Variants in PREX1 observed in about 807,000 individuals in gnomAD.
The protein encoded by PREX1 is phosphatidylinositol 3,4,5-trisphosphate-dependent Rac exchanger 1 protein.
A neutral mutation model predicts 198.3 loss-of-function variants in PREX1; 41 were observed. That is an observed-to-expected ratio of 0.21 (90% confidence interval 0.16 to 0.27). PREX1 has a LOEUF of 0.27. Ranked by LOEUF, PREX1 falls within the 10% of genes least tolerant of loss-of-function variation. PREX1 has a pLI of 1.00. For missense variants in PREX1, 1,620 were observed against 2,200.7 expected (o/e 0.74, Z 5.28); for synonymous variants, 843 against 887.2 (o/e 0.95, Z 0.89).
upstream of PREX1, among the ~76,000 whole-genome samples, chr20:48,831,497 G>A (rs1442934082): frequency 1.1e-4 from 16 of 152,180 alleles, no homozygotes; most frequent in East Asian, 3.1e-3. Flanking sequence ...AACAGCTGAG[G>A]CCCTTGTGCT....
At chr20:48,796,675 T>C (rs2090364048) in intron 1 of PREX1, among the ~76,000 whole-genome samples, 1 of 150,912 alleles carries the variant, frequency 6.6e-6, no homozygotes, top group African/African-American at 2.4e-5. Context: ...ATATGTGTCG[T>C]ACATCATATA....
chr20:48,633,020 C>T (rs2089328157), intron 33 of PREX1, among the ~76,000 whole-genome samples: 1 of 152,234 alleles, frequency 6.6e-6, no homozygotes, highest in South Asian at 2.1e-4. Flanking sequence ...TAGCCCATGG[C>T]CCCTGCCTGG....
rs576488389 is a variant in PREX1, at chr20:48,678,112, G to A, written c.1589+1248C>T. Among the ~76,000 whole-genome samples the A allele has an allele frequency of 3.9e-5, 6 of 152,260 alleles. No homozygotes were observed. In the South Asian group the frequency reaches 8.3e-4, roughly 21 times the overall value. Reference sequence around the variant, plus strand: ...GCAGATCACTTGAAGTCAGGAGTTCGAGCCCAGCCTGGCCAACATGGTGAA... The same window carrying A: ...GCAGATCACTTGAAGTCAGGAGTTCAAGCCCAGCCTGGCCAACATGGTGAA... On this transcript the variant is annotated intron_variant, in intron 13 of 39. Transcript: ENST00000371941.
At position 48,691,044 on chromosome 20, in the gene PREX1, G is replaced by C; in HGVS notation, c.1089C>G (p.Asn363Lys). The C allele has an allele frequency of 6.2e-7, 1 of 1,614,238 alleles. No individual in the cohort carries two copies. The highest frequency in any genetic ancestry group is 8.5e-7 in the Non-Finnish European group (1 of 1,180,050). ...YTVTNGWKIH[N>K]TAKNKWFVCM... ...AGACAAACCACTTATTCTTGGCCGTGTTGTGGATCTTCCAGCCGTTGGTGA... is the reference window on the plus strand; with the variant it reads ...AGACAAACCACTTATTCTTGGCCGTCTTGTGGATCTTCCAGCCGTTGGTGA... Residue 363 changes from asparagine (N) to lysine (K), a missense_variant, in exon 9 of 40, where the codon AAC becomes AAG. Coordinates refer to ENST00000371941, the MANE Select transcript of PREX1 (RefSeq NM_020820.4). This position sits in a 1 kb window ranked among gnomAD's most constrained non-coding sequence, Gnocchi z 5.0.
intron 14 of PREX1, among the ~76,000 whole-genome samples, chr20:48,673,428 T>A (rs896917847): frequency 1.3e-5 from 2 of 152,182 alleles, no homozygotes; most frequent in African/African-American, 4.8e-5. Flanking sequence ...CACCCTGAGT[T>A]AGGCATGGGA....
intron 1 of PREX1, among the ~76,000 whole-genome samples, chr20:48,755,580 C>T (rs2090152853): frequency 6.6e-6 from 1 of 152,102 alleles, no homozygotes. Flanking sequence ...AAATGCGATG[C>T]CTGGAAGTGA....
chr20:48,679,534 T>C, intron 12 of PREX1, 117 bp downstream of exon 12: 7 of 1,370,524 alleles, frequency 5.1e-6, no homozygotes, highest in Non-Finnish European at 7.2e-6. Context: ...CAGGGGTGAG[T>C]TGTGGGCAGT....
intron 4 of PREX1, among the ~76,000 whole-genome samples, chr20:48,732,747 C>T (rs2090039680): frequency 6.6e-6 from 1 of 152,152 alleles, no homozygotes; most frequent in Admixed American, 6.5e-5. Flanking sequence ...TCCCAGCCTT[C>T]CTTGGATCTA....
chr20:48,777,206 C>T (rs908822932), intron 1 of PREX1, among the ~76,000 whole-genome samples: 12 of 152,076 alleles, frequency 7.9e-5, no homozygotes, highest in African/African-American at 2.4e-4. Context: ...TGCCAAAACC[C>T]GCCACACCAC....
chr20:48,640,701 C>A (rs1014320391), intron 29 of PREX1, among the ~76,000 whole-genome samples: 5 of 152,232 alleles, frequency 3.3e-5, no homozygotes, highest in Admixed American at 2.6e-4. Context: ...CAAGGCCTGG[C>A]ACAAGCTGGT....
At position 48,803,794 on chromosome 20, in the gene PREX1, T is replaced by C. The variant is rs571795014; in HGVS notation, c.219+23848A>G. On this transcript the variant is annotated intron_variant, in intron 1 of 39. Transcript: ENST00000371941. ...GCTCTGGGGCCCTCTGGATGGGTGA[T>C]ACTTGGTTCATGGATGGGTCCATGA... 2.8e-4 allele frequency among the ~76,000 whole-genome samples: 42 copies of C among 152,326 alleles called. No homozygotes were observed. The South Asian group carries it at 4.1e-3, about 15-fold the overall frequency.
intron 1 of PREX1, among the ~76,000 whole-genome samples, chr20:48,748,788 C>T (rs955473747): frequency 6.6e-6 from 1 of 152,194 alleles, no homozygotes; most frequent in Non-Finnish European, 1.5e-5. Flanking sequence ...GTGGGGAGGC[C>T]GCAGGCCCAG....
intron 1 of PREX1, among the ~76,000 whole-genome samples, chr20:48,767,047 C>T (rs916873226): frequency 3.9e-5 from 6 of 152,184 alleles, no homozygotes; most frequent in African/African-American, 1.4e-4. Context: ...ACCTGGTTGC[C>T]AAATGTAGCC....
intron 3 of PREX1, among the ~76,000 whole-genome samples, 180 bp downstream of exon 3, chr20:48,744,845 G>A (rs1601109654): frequency 6.6e-6 from 1 of 152,202 alleles, no homozygotes. Flanking sequence ...ACAGCCTGCT[G>A]GGCCTGACCT....
chr20:48,635,752 A>G (rs143203055), intron 32 of PREX1, among the ~76,000 whole-genome samples: 149 of 152,068 alleles, frequency 9.8e-4, no homozygotes, highest in African/African-American at 3.4e-3. Flanking sequence ...GCTTCCCCCA[A>G]CTAGGAAGTC....
intron 2 of PREX1, 117 bp downstream of exon 2, chr20:48,747,692 C>A: frequency 2.5e-6 from 3 of 1,178,026 alleles, no homozygotes; most frequent in Non-Finnish European, 2.4e-6. Context: ...TGGCGGCCAG[C>A]AGCCAGCGGG....
intron 10 of PREX1, among the ~76,000 whole-genome samples, chr20:48,687,600 G>A (rs1301055953): frequency 6.6e-6 from 1 of 152,178 alleles, no homozygotes; most frequent in Non-Finnish European, 1.5e-5. Flanking sequence ...GGGAGTTTAA[G>A]TCCTTACATT....
At chr20:48,883,402 G>A in the PREX1 span, among the ~76,000 whole-genome samples, 1 of 151,996 alleles carries the variant, frequency 6.6e-6, no homozygotes, top group Non-Finnish European at 1.5e-5. Context: ...TTCTAGCCAG[G>A]GCAATTACAT....
intron 5 of PREX1, among the ~76,000 whole-genome samples, chr20:48,712,907 C>T (rs905716181): frequency 6.6e-6 from 1 of 152,166 alleles, no homozygotes; most frequent in African/African-American, 2.4e-5. Context: ...AGGCAGATCA[C>T]GAGGTCAGGA....
Sources: gnomAD v4.1 joint callset for allele counts (sites outside exome capture counted in the v4.1 genomes callset) on GRCh38, gnomAD v4.1.1 for gene constraint, Gnocchi (gnomAD v3.1) non-coding constraint, MANE v1.5 for transcripts, NCBI Gene and HGNC (gene_info 2026-07-23, HGNC 2026-07-21) for gene names.